The following GPC6 variants were observed in gnomAD, a reference collection of about 807,000 sequenced individuals.
The protein encoded by GPC6 is glypican-6.
Under a neutral mutation model 55.2 loss-of-function variants are expected in GPC6, and 14 were observed. That is an observed-to-expected ratio of 0.25 (90% CI 0.17 to 0.40). GPC6 has a LOEUF of 0.40. GPC6 is among the 10% of genes least tolerant of loss of function. GPC6 has a pLI of 1.00. For synonymous variants in GPC6, 278 were observed against 259.6 expected (o/e 1.07, Z -0.68); for missense variants, 641 against 708.5 (o/e 0.90, Z 1.08).
intron 4 of GPC6, among the ~76,000 whole-genome samples, chr13:94,238,950 A>G (rs1358912795): frequency 1.3e-5 from 2 of 152,160 alleles, no homozygotes; most frequent in Non-Finnish European, 2.9e-5. Context: ...AGGTGGGAAA[A>G]TGCCTTTTGC....
At chr13:94,285,809 C>T (rs1175698565) in intron 4 of GPC6, among the ~76,000 whole-genome samples, 4 of 152,116 alleles carry the variant, frequency 2.6e-5, no homozygotes, top group Non-Finnish European at 5.9e-5. Flanking sequence ...CTCCCCTGTC[C>T]CCCAAAAGAT....
chr13:94,174,162 A>T (rs2138934360), intron 4 of GPC6, among the ~76,000 whole-genome samples: 1 of 152,262 alleles, frequency 6.6e-6, no homozygotes, highest in East Asian at 1.9e-4. Context: ...TGAAAAAGAG[A>T]AAGCTAGAAA....
intron 2 of GPC6, among the ~76,000 whole-genome samples, chr13:93,763,343 C>A (rs1343660014): frequency 1.3e-5 from 2 of 152,160 alleles, no homozygotes; most frequent in Non-Finnish European, 2.9e-5. Flanking sequence ...ATCAATCATA[C>A]ATCACATTGC....
At chr13:93,767,971 C>T (rs1372985181) in intron 2 of GPC6, among the ~76,000 whole-genome samples, 2 of 151,906 alleles carry the variant, frequency 1.3e-5, no homozygotes, top group Non-Finnish European at 2.9e-5. Flanking sequence ...GTTACAAGCA[C>T]TATGGAAATA....
At chr13:93,801,067 T>A (rs1169628685) in intron 2 of GPC6, among the ~76,000 whole-genome samples, 4 of 152,220 alleles carry the variant, frequency 2.6e-5, no homozygotes, top group African/African-American at 9.6e-5. Context: ...ATAGAGACTG[T>A]GGCCAAAATT....
At chr13:94,037,705 A>T (rs1281245628) in intron 4 of GPC6, among the ~76,000 whole-genome samples, 1 of 151,966 alleles carries the variant, frequency 6.6e-6, no homozygotes, top group African/African-American at 2.4e-5. Context: ...TTTTGGCTTC[A>T]GTACCAGGGT....
chr13:94,233,607 C>G (rs562035405), intron 4 of GPC6, among the ~76,000 whole-genome samples: 29 of 152,280 alleles, frequency 1.9e-4, no homozygotes, highest in African/African-American at 6.0e-4. Context: ...CTTTGTCCAG[C>G]GTCTCCACAC....
intron 2 of GPC6, among the ~76,000 whole-genome samples, chr13:93,618,277 G>A (rs371604050): frequency 2.6e-5 from 4 of 151,998 alleles, no homozygotes; most frequent in Admixed American, 6.6e-5. Context: ...ACATGTGCAA[G>A]TATATATACA....
chr13:93,690,441 A>G (rs1290194811), intron 2 of GPC6, among the ~76,000 whole-genome samples: 1 of 151,936 alleles, frequency 6.6e-6, no homozygotes, highest in East Asian at 1.9e-4. Context: ...AAAAATATAT[A>G]TATATCCTGA....
chr13:93,958,283 T>C (rs1244329516), intron 3 of GPC6, among the ~76,000 whole-genome samples: 5 of 152,168 alleles, frequency 3.3e-5, no homozygotes, highest in Admixed American at 6.5e-5. Context: ...CAAAAATTCT[T>C]TGCCAAAGAA....
At chr13:93,269,247 ATGT>A (rs1387494563) in intron 1 of GPC6, among the ~76,000 whole-genome samples, 1 of 152,106 alleles carries the variant, frequency 6.6e-6, no homozygotes, top group Non-Finnish European at 1.5e-5. Flanking sequence ...AAATAATCTA[ATGT>A]TGTATTGACT....
chr13:94,351,977 A>C (rs867240369), intron 6 of GPC6, among the ~76,000 whole-genome samples: 1 of 140,288 alleles, frequency 7.1e-6, no homozygotes, highest in Admixed American at 7.1e-5. Context: ...AAAAAAAAAA[A>C]AAAAAGAAAA....
At chr13:94,313,574 G>A (rs925417751) in intron 6 of GPC6, among the ~76,000 whole-genome samples, 1 of 152,136 alleles carries the variant, frequency 6.6e-6, no homozygotes, top group African/African-American at 2.4e-5. Context: ...TAACTCCCTG[G>A]GAGATACTAA....
chr13:93,942,274 T>A (rs971055518), intron 3 of GPC6, among the ~76,000 whole-genome samples: 1 of 152,198 alleles, frequency 6.6e-6, no homozygotes, highest in Non-Finnish European at 1.5e-5. Flanking sequence ...GTCAGGAGTC[T>A]GGGTAAAACT....
chr13:93,470,137 A>G (rs976323683), intron 1 of GPC6, among the ~76,000 whole-genome samples: 1 of 151,830 alleles, frequency 6.6e-6, no homozygotes, highest in Non-Finnish European at 1.5e-5. Flanking sequence ...CAGCTTGTCT[A>G]TACTGACAAA....
intron 1 of GPC6, among the ~76,000 whole-genome samples, chr13:93,426,243 A>T (rs1473129902): frequency 1.3e-5 from 2 of 151,780 alleles, no homozygotes; most frequent in African/African-American, 4.8e-5. Context: ...ATTTTATTTT[A>T]TTATTATTAT....
At chr13:94,308,156 C>A (rs550189741) in intron 6 of GPC6, among the ~76,000 whole-genome samples, 1 of 152,262 alleles carries the variant, frequency 6.6e-6, no homozygotes, top group African/African-American at 2.4e-5. Flanking sequence ...AATTTTTTCC[C>A]TCTGAAACAG....
rs141722059 is a variant in GPC6 at position 93,636,034 on chromosome 13, A to G, written c.319+90613A>G. 3.9e-5 allele frequency among the ~76,000 whole-genome samples: 6 copies of G among 152,206 alleles called. No homozygotes were observed. The East Asian group carries it at 1.2e-3, about 29-fold the overall frequency. ...ATTCTAACACCCTTGAGAGAGAGAG[A>G]GCACACATACTGACATATTCCTAGG... is the stretch of plus-strand genomic sequence containing the variant. On this transcript the variant is annotated intron_variant, in intron 2 of 8. Transcript: ENST00000377047.
At chr13:93,457,174 T>A (rs1018645107) in intron 1 of GPC6, among the ~76,000 whole-genome samples, 1 of 152,306 alleles carries the variant, frequency 6.6e-6, no homozygotes, top group South Asian at 2.1e-4. Context: ...AGGTATGTCT[T>A]CATTAGTAGC....
Sources: gnomAD v4.1 joint callset for allele counts (sites outside exome capture counted in the v4.1 genomes callset) on GRCh38, gnomAD v4.1.1 for gene constraint, MANE v1.5 for transcripts, NCBI Gene and HGNC (gene_info 2026-07-23, HGNC 2026-07-21) for gene names.